The following KCNQ3 variants were observed in gnomAD, a reference collection of about 807,000 sequenced individuals.
KCNQ3 encodes the protein potassium voltage-gated channel subfamily Q member 3, also known as potassium voltage-gated channel subfamily KQT member 3.
KCNQ3 carries 30 observed loss-of-function variants against 92.5 expected under a neutral mutation model. The observed-to-expected ratio is 0.32, with a 90% CI of 0.24 to 0.44. The LOEUF (loss-of-function observed/expected upper bound fraction) is 0.44. Ranked by LOEUF, KCNQ3 falls within the 20% of genes least tolerant of loss-of-function variation. KCNQ3 has a pLI of 1.00. For missense variants in KCNQ3, 913 were observed against 1,140.3 expected, an observed-to-expected ratio of 0.80 and a Z score of 2.87; for synonymous variants, 450 against 468.8, an observed-to-expected ratio of 0.96 and a Z score of 0.52.
intron 7 of KCNQ3, among the ~76,000 whole-genome samples, chr8:132,171,888 A>G (rs1266348375): frequency 6.6e-6 from 1 of 152,100 alleles, no homozygotes; most frequent in Non-Finnish European, 1.5e-5. Flanking sequence ...ACGTGCCACA[A>G]CTCATGCCTA....
chr8:132,180,019 T>A (rs1826701423), intron 4 of KCNQ3, 138 bp downstream of exon 4: 2 of 990,364 alleles, frequency 2.0e-6, no homozygotes, highest in Non-Finnish European at 1.6e-6. Context: ...TTTCTCCTCC[T>A]CCTCTTCCTC....
intron 1 of KCNQ3, among the ~76,000 whole-genome samples, chr8:132,218,745 T>C (rs747470683): frequency 1.3e-5 from 2 of 152,160 alleles, no homozygotes; most frequent in African/African-American, 4.8e-5. Context: ...TTCCTGGAAA[T>C]AGTCAATTTA....
intron 9 of KCNQ3, among the ~76,000 whole-genome samples, chr8:132,145,509 TATTC>T (rs1313295928): frequency 2.6e-5 from 4 of 152,202 alleles, no homozygotes; most frequent in African/African-American, 9.6e-5. Flanking sequence ...AGCTAATATT[TATTC>T]ATTCAACAAA....
chr8:132,232,235 T>A (rs1431991391), intron 1 of KCNQ3, among the ~76,000 whole-genome samples: 1 of 152,206 alleles, frequency 6.6e-6, no homozygotes. Context: ...AGCTTCTTAA[T>A]CTTTAATGGG....
intron 1 of KCNQ3, among the ~76,000 whole-genome samples, chr8:132,424,310 T>A (rs1270396505): frequency 1.4e-5 from 2 of 144,920 alleles, no homozygotes; most frequent in Non-Finnish European, 3.0e-5. Flanking sequence ...CCCCTACCCC[T>A]CTCCAAATGT....
At chr8:132,333,848 C>T in intron 1 of KCNQ3, among the ~76,000 whole-genome samples, 1 of 151,974 alleles carries the variant, frequency 6.6e-6, no homozygotes, top group Non-Finnish European at 1.5e-5. Context: ...ATTCCCCTGC[C>T]TCAGGCTTTG....
chr8:132,460,629 T>A (rs1428074004), intron 1 of KCNQ3, among the ~76,000 whole-genome samples: 1 of 152,218 alleles, frequency 6.6e-6, no homozygotes, highest in East Asian at 1.9e-4. Flanking sequence ...GGTCAGCACC[T>A]TCTCCCTCCA....
At chr8:132,248,667 T>C (rs1483698045) in intron 1 of KCNQ3, among the ~76,000 whole-genome samples, 1 of 152,180 alleles carries the variant, frequency 6.6e-6, no homozygotes, top group Non-Finnish European at 1.5e-5. Flanking sequence ...TCCCTGTGGT[T>C]CACCTGGGGC....
At chr8:132,209,196 T>C (rs1193700537) in intron 1 of KCNQ3, among the ~76,000 whole-genome samples, 1 of 152,070 alleles carries the variant, frequency 6.6e-6, no homozygotes, top group Non-Finnish European at 1.5e-5. Flanking sequence ...TAATGGGTGG[T>C]CAGACTTCCC....
intron 1 of KCNQ3, among the ~76,000 whole-genome samples, chr8:132,280,932 G>A (rs1194910667): frequency 1.3e-5 from 2 of 152,130 alleles, no homozygotes; most frequent in African/African-American, 2.4e-5. Context: ...TTTTGAACAC[G>A]GGAGAAAGAA....
intron 1 of KCNQ3, among the ~76,000 whole-genome samples, chr8:132,235,397 G>C (rs1458108308): frequency 1.3e-5 from 2 of 152,156 alleles, no homozygotes; most frequent in East Asian, 3.9e-4. Context: ...CAACTACTTA[G>C]GAGGTTGAGG....
At chr8:132,177,721 G>C (rs981524485) in intron 4 of KCNQ3, among the ~76,000 whole-genome samples, 5 of 152,324 alleles carry the variant, frequency 3.3e-5, no homozygotes, top group African/African-American at 1.2e-4. Flanking sequence ...TCCCACACTT[G>C]ATCTTTGAGT....
intron 1 of KCNQ3, among the ~76,000 whole-genome samples, chr8:132,441,571 A>C (rs1020677817): frequency 4.4e-5 from 6 of 135,682 alleles, no homozygotes; most frequent in African/African-American, 1.7e-4. Flanking sequence ...ACAAAAATCA[A>C]AAAACAAAAC....
intron 7 of KCNQ3, 44 bp downstream of exon 7, chr8:132,172,554 C>A (rs1373636318): frequency 1.3e-6 from 2 of 1,516,598 alleles, no homozygotes; most frequent in African/African-American, 2.7e-5. Context: ...TGTACATATG[C>A]ATGGATCTTA....
At chr8:132,407,460 G>A (rs1166232537) in intron 1 of KCNQ3, among the ~76,000 whole-genome samples, 1 of 152,206 alleles carries the variant, frequency 6.6e-6, no homozygotes, top group Non-Finnish European at 1.5e-5. Context: ...ACAAATCAAT[G>A]TGTGTAGCAC....
intron 1 of KCNQ3, among the ~76,000 whole-genome samples, chr8:132,416,983 A>G (rs1820824530): frequency 6.6e-6 from 1 of 152,194 alleles, no homozygotes; most frequent in Non-Finnish European, 1.5e-5. Context: ...TGAAGGGTGG[A>G]GGAGCTAACA....
chr8:132,379,247 A>G (rs535299790), intron 1 of KCNQ3, among the ~76,000 whole-genome samples: 1 of 152,346 alleles, frequency 6.6e-6, no homozygotes, highest in South Asian at 2.1e-4. Flanking sequence ...GGCACATTAC[A>G]TGGATTGTCT....
At chr8:132,217,975 A>C (rs1377065257) in intron 1 of KCNQ3, among the ~76,000 whole-genome samples, 1 of 152,230 alleles carries the variant, frequency 6.6e-6, no homozygotes, top group African/African-American at 2.4e-5. Flanking sequence ...AAATATTTTC[A>C]GTCTTGTTTA....
intron 1 of KCNQ3, among the ~76,000 whole-genome samples, chr8:132,336,473 T>G (rs1394133495): frequency 1.3e-5 from 2 of 152,154 alleles, no homozygotes; most frequent in African/African-American, 4.8e-5. Context: ...TGGAGGATAA[T>G]ATTCATGGAG....
Sources: gnomAD v4.1 joint callset for allele counts (sites outside exome capture counted in the v4.1 genomes callset) on GRCh38, gnomAD v4.1.1 for gene constraint, MANE v1.5 for transcripts, NCBI Gene and HGNC (gene_info 2026-07-23, HGNC 2026-07-21) for gene names.